Variants in FSTL4 observed in about 807,000 individuals in gnomAD.
The protein encoded by FSTL4 is follistatin like 4, also known as follistatin-related protein 4.
Under a neutral mutation model 78.2 loss-of-function variants are expected in FSTL4, and 28 were observed. That is an observed-to-expected ratio of 0.36 (90% CI 0.27 to 0.49). The LOEUF (loss-of-function observed/expected upper bound fraction) is 0.49, where lower values mean the gene tolerates loss of function less well. Ranked by LOEUF, FSTL4 falls within the 20% of genes least tolerant of loss-of-function variation. The pLI is 0.98. For synonymous variants in FSTL4, 422 were observed against 440.5 expected, an observed-to-expected ratio of 0.96 and a Z score of 0.53; for missense variants, 922 against 1,084.9, an observed-to-expected ratio of 0.85 and a Z score of 2.11.
At chr5:133,241,051 A>G (rs2126812613) in intron 7 of FSTL4, among the ~76,000 whole-genome samples, 1 of 152,312 alleles carries the variant, frequency 6.6e-6, no homozygotes, top group East Asian at 1.9e-4. Flanking sequence ...AGCTTTGGAC[A>G]CCGAGGCCTG....
chr5:133,792,129 CA>C, the FSTL4 span, among the ~76,000 whole-genome samples: 8 of 152,186 alleles, frequency 5.3e-5, no homozygotes, highest in Non-Finnish European at 1.2e-4. Context: ...TCAACAGCCC[CA>C]GAAGGAACAT....
rs538894210 is a variant in FSTL4, at chr5:133,420,055, T to TA, written c.161-19070dup. Among the ~76,000 whole-genome samples the TA allele has an allele frequency of 4.3e-3, 659 of 152,284 alleles. 5 individuals carry two copies. Among genetic ancestry groups the TA allele is most frequent in the African/African-American group, 0.016 (647 of 41,556 alleles). ...AACAAACTGTGATATAGTCATACAA[T>TA]AAAATACTACTTAGCAATAACAGGA... On this transcript the variant is annotated intron_variant, in intron 3 of 15. Coordinates refer to ENST00000265342, the MANE Select transcript of FSTL4 (RefSeq NM_015082.2).
At chr5:133,431,918 C>T (rs1756948018) in intron 3 of FSTL4, among the ~76,000 whole-genome samples, 1 of 151,978 alleles carries the variant, frequency 6.6e-6, no homozygotes, top group Admixed American at 6.5e-5. Flanking sequence ...TTATTAAGTG[C>T]AAGATACATT....
chr5:133,732,469 C>T, the FSTL4 span, among the ~76,000 whole-genome samples: 6 of 152,138 alleles, frequency 3.9e-5, no homozygotes, highest in Non-Finnish European at 7.4e-5. Flanking sequence ...GCTTTAATTG[C>T]CCTTCACTTC....
At chr5:133,294,606 T>C (rs1357953711) in intron 6 of FSTL4, among the ~76,000 whole-genome samples, 1 of 152,168 alleles carries the variant, frequency 6.6e-6, no homozygotes, top group Non-Finnish European at 1.5e-5. Context: ...TCCAAGTTGA[T>C]TACCTGCCAA....
rs749249156 is a variant in FSTL4, at chr5:133,603,887, C to A, written c.97G>T (p.Asp33Tyr). Residue 33 changes from aspartate (D) to tyrosine (Y), a missense_variant, in exon 2 of 16, where the codon GAT (aspartate) becomes TAT (tyrosine). Coordinates refer to ENST00000265342, the MANE Select transcript of FSTL4 (RefSeq NM_015082.2). ...GCCTGTGACTCCCCCACACCCACAT[C>A]CGGGCCTCTGCTGGTTCCTGGGTCC... is the stretch of plus-strand genomic sequence containing the variant. ...WMDPGTSRGP[D>Y]VGVGESQAEE... 3 of 1,614,192 alleles carry A rather than the reference C, an allele frequency of 1.9e-6. No individual in the cohort carries two copies. The highest frequency in any genetic ancestry group is 1.3e-5 in the African/African-American group (1 of 75,068).
intron 2 of FSTL4, among the ~76,000 whole-genome samples, chr5:133,596,577 T>G (rs1760740948): frequency 1.3e-5 from 2 of 152,158 alleles, no homozygotes; most frequent in South Asian, 4.1e-4. Flanking sequence ...GGGTTTCGAT[T>G]TGCACCCAAG....
chr5:133,781,403 GT>G, the FSTL4 span, among the ~76,000 whole-genome samples: 6 of 122,892 alleles, frequency 4.9e-5, no homozygotes, highest in South Asian at 2.5e-4. Flanking sequence ...GTGTGTGTGT[GT>G]GTGTGTGGCG....
intron 3 of FSTL4, among the ~76,000 whole-genome samples, chr5:133,436,651 G>A (rs779983364): frequency 3.3e-5 from 5 of 152,086 alleles, no homozygotes; most frequent in African/African-American, 4.8e-5. Context: ...TGACATCACT[G>A]GACTGGTCAA....
At chr5:133,335,809 C>T (rs1000245294) in intron 4 of FSTL4, among the ~76,000 whole-genome samples, 1 of 152,062 alleles carries the variant, frequency 6.6e-6, no homozygotes. Flanking sequence ...TGCACCAACA[C>T]TGGGATCCTT....
At chr5:133,831,310 A>G in the FSTL4 span, among the ~76,000 whole-genome samples, 1 of 152,176 alleles carries the variant, frequency 6.6e-6, no homozygotes, top group African/African-American at 2.4e-5. Flanking sequence ...TCCCTGAGCT[A>G]CTAACTCCAA....
chr5:133,806,603 TG>T, the FSTL4 span, among the ~76,000 whole-genome samples: 1 of 152,174 alleles, frequency 6.6e-6, no homozygotes, highest in East Asian at 1.9e-4. Flanking sequence ...CAGCCCAAAC[TG>T]GGTTGCTGAT....
chr5:133,422,463 TAAG>T (rs1440421602), intron 3 of FSTL4, among the ~76,000 whole-genome samples: 2 of 149,862 alleles, frequency 1.3e-5, no homozygotes, highest in African/African-American at 2.5e-5. Flanking sequence ...GGAGGCGGGG[TAAG>T]AAGGACTGTG....
At chr5:133,751,323 G>A in the FSTL4 span, among the ~76,000 whole-genome samples, 1 of 152,194 alleles carries the variant, frequency 6.6e-6, no homozygotes, top group Admixed American at 6.5e-5. Flanking sequence ...TGTCACAGAA[G>A]GCAGTGCACG....
At chr5:133,448,209 G>A (rs1055173044) in intron 3 of FSTL4, among the ~76,000 whole-genome samples, 11 of 152,134 alleles carry the variant, frequency 7.2e-5, no homozygotes, top group African/African-American at 2.7e-4. Context: ...CCCTCCCCAG[G>A]GCTGCCCTGC....
At chr5:133,804,180 A>C in the FSTL4 span, among the ~76,000 whole-genome samples, 1 of 152,208 alleles carries the variant, frequency 6.6e-6, no homozygotes, top group Non-Finnish European at 1.5e-5. Context: ...CCTGTTCTCC[A>C]TGCCCTAAAG....
chr5:133,661,150 C>T, the FSTL4 span, among the ~76,000 whole-genome samples: 3,431 of 152,216 alleles, frequency 0.023, 139 homozygotes, highest in African/African-American at 0.078. Flanking sequence ...GCCATCATGC[C>T]TGGCTAATTT....
chr5:133,329,071 T>C (rs17166579), intron 4 of FSTL4, among the ~76,000 whole-genome samples: 25,678 of 151,886 alleles, frequency 0.17, 4,609 homozygotes, highest in African/African-American at 0.46. Flanking sequence ...CCTCCGCGAG[T>C]GATCAAGATG....
chr5:133,309,247 G>A (rs550166417), intron 6 of FSTL4, among the ~76,000 whole-genome samples: 5 of 152,072 alleles, frequency 3.3e-5, no homozygotes, highest in African/African-American at 4.8e-5. Flanking sequence ...GGGGGGTGGC[G>A]TGGGGAAGGA....
Sources: gnomAD v4.1 joint callset for allele counts (sites outside exome capture counted in the v4.1 genomes callset) on GRCh38, gnomAD v4.1.1 for gene constraint, MANE v1.5 for transcripts, NCBI Gene and HGNC (gene_info 2026-07-23, HGNC 2026-07-21) for gene names.